The following PARD3B variants were observed in gnomAD, a reference collection of about 807,000 sequenced individuals.
PARD3B encodes par-3 family cell polarity regulator beta, also known as partitioning defective 3 homolog B.
Under a neutral mutation model 130.2 loss-of-function variants are expected in PARD3B, and 103 were observed. The observed-to-expected ratio is 0.79, with a 90% CI of 0.67 to 0.93. The LOEUF (loss-of-function observed/expected upper bound fraction) is 0.93, where lower values mean the gene tolerates loss of function less well. Ranked by LOEUF, PARD3B falls within the 40% of genes least tolerant of loss-of-function variation. The pLI, the probability that PARD3B is intolerant of heterozygous loss-of-function variation, is 0.00. For synonymous variants in PARD3B, 583 were observed against 553.2 expected (o/e 1.05, Z -0.76); for missense variants, 1,609 against 1,499.2 (o/e 1.07, Z -1.21).
intron 3 of PARD3B, among the ~76,000 whole-genome samples, chr2:205,047,283 C>G (rs1698859815): frequency 1.3e-5 from 2 of 152,148 alleles, no homozygotes; most frequent in South Asian, 4.1e-4. Flanking sequence ...TTTTCTAGAT[C>G]AGTTTTTAGA....
intron 3 of PARD3B, among the ~76,000 whole-genome samples, chr2:205,037,490 T>C (rs1381308055): frequency 6.8e-6 from 1 of 147,816 alleles, no homozygotes; most frequent in Non-Finnish European, 1.5e-5. Flanking sequence ...GGACTATATA[T>C]ATAAAATATA....
chr2:204,597,319 C>T (rs1306482345), intron 1 of PARD3B, among the ~76,000 whole-genome samples: 3 of 151,814 alleles, frequency 2.0e-5, no homozygotes, highest in Non-Finnish European at 4.4e-5. Context: ...TCTCACAAAT[C>T]CTCACTAATA....
chr2:205,439,121 A>T (rs546694818), intron 19 of PARD3B, among the ~76,000 whole-genome samples: 1 of 152,302 alleles, frequency 6.6e-6, no homozygotes, highest in East Asian at 1.9e-4. Flanking sequence ...TTGCAAAATA[A>T]AACTAGCTTC....
Position 205,258,326 on chromosome 2 carries a change from C to T in PARD3B, c.2185+12504C>T, listed in dbSNP as rs149870828. Among the ~76,000 whole-genome samples, 2 of 152,258 alleles carry T rather than the reference C, an allele frequency of 1.3e-5. No individual in the cohort carries two copies. The highest frequency in any genetic ancestry group is 2.1e-4 in the South Asian group (1 of 4,822). ...CTCCTCAGGCCTTTGCACATGCATT[C>T]GATTAGCCCAGAGTGATCTTCCACT... On this transcript the variant is annotated intron_variant, in intron 16 of 22. Coordinates refer to ENST00000406610, the MANE Select transcript of PARD3B (RefSeq NM_001302769.2). The surrounding 1 kb of genome is among the most constrained non-coding windows in gnomAD (Gnocchi z 4.9).
chr2:205,144,211 G>A (rs768890948), intron 10 of PARD3B, among the ~76,000 whole-genome samples: 1 of 152,124 alleles, frequency 6.6e-6, no homozygotes, highest in Non-Finnish European at 1.5e-5. Flanking sequence ...ATATACTTCA[G>A]GCATGTGGTG....
At chr2:205,410,520 A>G (rs1468645241) in intron 19 of PARD3B, among the ~76,000 whole-genome samples, 2 of 152,138 alleles carry the variant, frequency 1.3e-5, no homozygotes, top group African/African-American at 4.8e-5. Context: ...TAAAGGCCCC[A>G]GTTTCCTACA....
chr2:204,717,710 T>C (rs745632991), intron 2 of PARD3B, among the ~76,000 whole-genome samples: 16 of 152,150 alleles, frequency 1.1e-4, no homozygotes, highest in African/African-American at 3.4e-4. Context: ...CAGAGCCAAA[T>C]TGGGAACTAG....
At chr2:204,773,938 G>A (rs1327456314) in intron 2 of PARD3B, among the ~76,000 whole-genome samples, 13 of 151,964 alleles carry the variant, frequency 8.6e-5, no homozygotes, top group Non-Finnish European at 1.5e-4. Flanking sequence ...CATGGGTGTC[G>A]ACCCTGCCTG....
At chr2:205,526,068 TG>T (rs2051322791) in intron 21 of PARD3B, among the ~76,000 whole-genome samples, 1 of 152,252 alleles carries the variant, frequency 6.6e-6, no homozygotes, top group Non-Finnish European at 1.5e-5. Flanking sequence ...TAGTTTCTAC[TG>T]GAATTCCCTA....
In PARD3B at chr2:205,265,320, C is replaced by G. The variant is rs2040462526; in HGVS notation, c.2185+19498C>G. On this transcript the variant is annotated intron_variant, in intron 16 of 22. Transcript: ENST00000406610. The surrounding 1 kb of genome is among the most constrained non-coding windows in gnomAD (Gnocchi z 4.3). ...GTGATACATGGAATCGATGCACTTT[C>G]AAGTTGGCGGATCTGATCATCAGTC... Among the ~76,000 whole-genome samples the G allele has an allele frequency of 6.6e-6, 1 of 151,992 alleles. No individual in the cohort carries two copies. The highest frequency in any genetic ancestry group is 2.1e-4 in the South Asian group (1 of 4,836).
At chr2:204,931,487 T>A (rs1262353923) in intron 2 of PARD3B, among the ~76,000 whole-genome samples, 1 of 152,048 alleles carries the variant, frequency 6.6e-6, no homozygotes, top group Non-Finnish European at 1.5e-5. Context: ...TATACCAACA[T>A]GAGGTTTTAT....
At chr2:205,099,950 T>G (rs1702643567) in intron 4 of PARD3B, among the ~76,000 whole-genome samples, 1 of 152,144 alleles carries the variant, frequency 6.6e-6, no homozygotes, top group African/African-American at 2.4e-5. Context: ...CTGTAGTCAT[T>G]GACATGATTT....
intron 2 of PARD3B, among the ~76,000 whole-genome samples, chr2:204,880,381 G>T (rs2045994761): frequency 6.6e-6 from 1 of 152,070 alleles, no homozygotes; most frequent in Non-Finnish European, 1.5e-5. Flanking sequence ...CAGCAGAGTG[G>T]TCGAGCGCGG....
chr2:204,595,732 A>G (rs1191991613), intron 1 of PARD3B, among the ~76,000 whole-genome samples: 1 of 152,248 alleles, frequency 6.6e-6, no homozygotes, highest in African/African-American at 2.4e-5. Context: ...AGCTGCATGT[A>G]TAAAATGAGC....
rs1252551481 is a variant in PARD3B, at chr2:205,615,618, G to A, written c.3423G>A (p.Gln1141=). ...GGGTGGCAGATCTCCGGTATCCTCA[G>A]CACTACCCACCCCCGCCAGCTCCCC... ...ELRVADLRYP[Q]HYPPPPAPQH... Residue 1141 remains glutamine (Q), a synonymous_variant, in exon 23 of 23, where the codon CAG becomes CAA. Coordinates refer to ENST00000406610, the MANE Select transcript of PARD3B (RefSeq NM_001302769.2). The A allele has an allele frequency of 1.2e-6, 2 of 1,613,958 alleles. No homozygotes were observed. Among genetic ancestry groups the A allele is most frequent in the South Asian group, 1.1e-5 (1 of 91,058 alleles).
intron 19 of PARD3B, among the ~76,000 whole-genome samples, chr2:205,435,657 G>T (rs1420099381): frequency 2.6e-5 from 4 of 152,004 alleles, no homozygotes; most frequent in African/African-American, 9.7e-5. Flanking sequence ...ATTTTAGACA[G>T]TAACTACTGA....
chr2:204,913,489 G>A (rs2047324778), intron 2 of PARD3B, among the ~76,000 whole-genome samples: 1 of 152,138 alleles, frequency 6.6e-6, no homozygotes, highest in South Asian at 2.1e-4. Context: ...AGCACTACAG[G>A]AAACTCAGAG....
At chr2:204,603,855 G>A (rs1336463315) in intron 1 of PARD3B, among the ~76,000 whole-genome samples, 6 of 152,128 alleles carry the variant, frequency 3.9e-5, no homozygotes. Context: ...TCCCACTTTA[G>A]GAGACAACTT....
chr2:205,165,382 A>G (rs191395346), intron 11 of PARD3B, among the ~76,000 whole-genome samples: 3 of 152,216 alleles, frequency 2.0e-5, no homozygotes, highest in Non-Finnish European at 4.4e-5. Context: ...AGTAAAGGCC[A>G]TAAGTTGCAG....
Sources: allele counts gnomAD v4.1 joint callset (sites outside exome capture counted in the v4.1 genomes callset), GRCh38; gene constraint gnomAD v4.1.1; non-coding constraint Gnocchi (gnomAD v3.1); transcripts MANE v1.5; gene names NCBI Gene and HGNC (gene_info 2026-07-23, HGNC 2026-07-21).